The following SASH1 variants were observed in gnomAD, a reference collection of about 807,000 sequenced individuals.
SASH1 encodes the protein SAM and SH3 domain containing 1, also known as SAM and SH3 domain-containing protein 1.
SASH1 carries 44 observed loss-of-function variants against 125.2 expected under a neutral mutation model. The ratio of observed to expected loss-of-function variants is 0.35; its 90% CI spans 0.28 to 0.45. The LOEUF (loss-of-function observed/expected upper bound fraction) is 0.45. Ranked by LOEUF, SASH1 falls within the 20% of genes least tolerant of loss-of-function variation. SASH1 has a pLI of 1.00. For missense variants in SASH1, 1,426 were observed against 1,614.5 expected (o/e 0.88, Z 2.00); for synonymous variants, 639 against 649.1 (o/e 0.98, Z 0.24).
At chr6:148,382,254 G>T (rs1460019925) in intron 1 of SASH1, among the ~76,000 whole-genome samples, 5 of 152,140 alleles carry the variant, frequency 3.3e-5, no homozygotes, top group African/African-American at 9.7e-5. Context: ...TCCAGAGCCC[G>T]CCAGATCTCC....
At chr6:148,487,807 C>G in intron 8 of SASH1, 92 bp downstream of exon 8, 1 of 846,660 alleles carries the variant, frequency 1.2e-6, no homozygotes, top group East Asian at 2.7e-5. Flanking sequence ...TTCGAAACTT[C>G]CGACTCGCAC....
At chr6:148,384,370 C>A (rs1783273128) in intron 1 of SASH1, among the ~76,000 whole-genome samples, 1 of 151,942 alleles carries the variant, frequency 6.6e-6, no homozygotes, top group Non-Finnish European at 1.5e-5. Context: ...CTTTTGAACA[C>A]CTTAAAAGAA....
intron 9 of SASH1, among the ~76,000 whole-genome samples, chr6:148,514,997 G>A (rs1306395978): frequency 6.6e-6 from 1 of 152,204 alleles, no homozygotes; most frequent in Admixed American, 6.5e-5. Context: ...AATCTTTTAA[G>A]AGTTGTATTG....
intron 1 of SASH1, among the ~76,000 whole-genome samples, chr6:148,310,752 A>G (rs534670198): frequency 5.1e-4 from 78 of 152,322 alleles, no homozygotes; most frequent in Non-Finnish European, 8.7e-4. Context: ...GATACTCAAC[A>G]TAATTAGTCA....
chr6:148,240,466 T>C, the SASH1 span, among the ~76,000 whole-genome samples: 1 of 152,232 alleles, frequency 6.6e-6, no homozygotes, highest in African/African-American at 2.4e-5. Flanking sequence ...GGTGAGGTCA[T>C]TGGTTTACAA....
At chr6:148,512,103 C>G (rs1202815297) in intron 8 of SASH1, among the ~76,000 whole-genome samples, 3 of 152,150 alleles carry the variant, frequency 2.0e-5, no homozygotes, top group Non-Finnish European at 4.4e-5. Context: ...CCTGCAAGCT[C>G]CGCCTCCTGG....
intron 1 of SASH1, among the ~76,000 whole-genome samples, chr6:148,272,652 C>T (rs1486362599): frequency 6.6e-6 from 1 of 152,080 alleles, no homozygotes; most frequent in Non-Finnish European, 1.5e-5. Context: ...TATTTTCCCC[C>T]AAGACTCTAA....
At chr6:148,385,750 T>C (rs112258666) in intron 1 of SASH1, among the ~76,000 whole-genome samples, 4 of 152,224 alleles carry the variant, frequency 2.6e-5, no homozygotes, top group African/African-American at 7.2e-5. Flanking sequence ...GCTGAACACA[T>C]AGAAATTTGT....
the SASH1 span, among the ~76,000 whole-genome samples, chr6:148,233,508 A>G: frequency 6.6e-6 from 1 of 152,108 alleles, no homozygotes; most frequent in Non-Finnish European, 1.5e-5. Flanking sequence ...CATTGGTGAT[A>G]CAGGTAGGAA....
chr6:148,235,106 T>C, the SASH1 span, among the ~76,000 whole-genome samples: 1 of 152,148 alleles, frequency 6.6e-6, no homozygotes, highest in African/African-American at 2.4e-5. Flanking sequence ...ATAAAAACAA[T>C]GGTCTACACC....
At chr6:148,477,692 AT>A (rs71004300) in intron 7 of SASH1, among the ~76,000 whole-genome samples, 25,960 of 95,660 alleles carry the variant, frequency 0.27, 3,204 homozygotes, top group East Asian at 0.52. Flanking sequence ...CACCTGGCTA[AT>A]TTTTTTTTTT....
chr6:148,229,329 T>A, the SASH1 span, among the ~76,000 whole-genome samples: 3 of 152,104 alleles, frequency 2.0e-5, no homozygotes, highest in Non-Finnish European at 4.4e-5. Flanking sequence ...GTGGACTACA[T>A]GTGACATGTC....
intron 17 of SASH1, among the ~76,000 whole-genome samples, chr6:148,541,196 C>T (rs754093031): frequency 2.6e-5 from 4 of 151,594 alleles, no homozygotes; most frequent in Non-Finnish European, 5.9e-5. Context: ...TACGCTGCCA[C>T]AGTGACCTAA....
chr6:148,476,959 T>TG (rs1778390856), intron 7 of SASH1, among the ~76,000 whole-genome samples: 7 of 152,034 alleles, frequency 4.6e-5, no homozygotes, highest in Admixed American at 4.6e-4. Flanking sequence ...GAATATACAA[T>TG]GGGGAAAGAA....
chr6:148,500,073 T>C (rs1451867874), intron 8 of SASH1, among the ~76,000 whole-genome samples: 1 of 152,192 alleles, frequency 6.6e-6, no homozygotes, highest in African/African-American at 2.4e-5. Context: ...TTATCTATGC[T>C]TCTTCTTTTC....
At chr6:148,278,880 A>G (rs1469198554) in intron 1 of SASH1, 2 of 152,198 alleles carry the variant, frequency 1.3e-5, no homozygotes, top group Admixed American at 1.3e-4. Context: ...TTCATCACTA[A>G]ACTGCTCCCA....
chr6:148,219,571 C>T, the SASH1 span, among the ~76,000 whole-genome samples: 4 of 152,202 alleles, frequency 2.6e-5, no homozygotes, highest in Non-Finnish European at 5.9e-5. Context: ...TCCCAAACAA[C>T]GCAGATACAG....
chr6:148,292,276 G>A (rs2128509136), intron 1 of SASH1, among the ~76,000 whole-genome samples: 1 of 152,024 alleles, frequency 6.6e-6, no homozygotes, highest in South Asian at 2.1e-4. Flanking sequence ...TTTTTTTTAA[G>A]CATTTAAACC....
intron 1 of SASH1, chr6:148,379,986 C>T: frequency 2.2e-6 from 1 of 456,072 alleles, no homozygotes; most frequent in Non-Finnish European, 4.4e-6. Context: ...ACGTAGGTGC[C>T]ACACAAAGAG....
Sources: allele counts gnomAD v4.1 joint callset (sites outside exome capture counted in the v4.1 genomes callset), GRCh38; gene constraint gnomAD v4.1.1; transcripts MANE v1.5; gene names NCBI Gene and HGNC (gene_info 2026-07-23, HGNC 2026-07-21).